Variants in KIF13A observed in about 807,000 individuals in gnomAD.
KIF13A encodes kinesin family member 13A, also known as kinesin-like protein KIF13A.
A neutral mutation model predicts 212.2 loss-of-function variants in KIF13A; 79 were observed. The ratio of observed to expected loss-of-function variants is 0.37; its 90% CI spans 0.31 to 0.45. The LOEUF is 0.45. Among genes scored for constraint, KIF13A ranks in the 20% least tolerant of loss-of-function variants. The probability of loss-of-function intolerance (pLI) is 1.00; values close to 1 mark genes in which losing one functional copy is unlikely to be tolerated. For synonymous variants in KIF13A, 789 were observed against 808.6 expected (o/e 0.98, Z 0.41); for missense variants, 1,901 against 2,209.0 (o/e 0.86, Z 2.79).
At chr6:17,848,500 T>C (rs2150396271) in intron 9 of KIF13A, among the ~76,000 whole-genome samples, 1 of 152,254 alleles carries the variant, frequency 6.6e-6, no homozygotes, top group African/African-American at 2.4e-5. Context: ...AATATGGTAT[T>C]TGTGCCATTT....
At position 17,787,790 on chromosome 6, in the gene KIF13A, A is replaced by G; in HGVS notation, c.3347T>C (p.Val1116Ala). The change falls in exon 27 of 39, where the codon GTC (valine) becomes GCC (alanine). Residue 1116 changes from valine to alanine, a missense_variant. Val to Ala is a moderately conservative substitution (Grantham distance 64). This residue lies in a region of KIF13A where 168 missense variants were observed against 250.9 expected (regional missense o/e 0.67). Coordinates refer to ENST00000259711, the MANE Select transcript of KIF13A (RefSeq NM_022113.6). The surrounding 1 kb of genome is among the most constrained non-coding windows in gnomAD (Gnocchi z 4.6). Reference protein sequence around the residue: ...REYLDEQIKKVSNKTEKTEDD... With the variant: ...REYLDEQIKKASNKTEKTEDD... ...ATCTCACATACCTGTTTTATTGCTG[A>G]CTTTTTTTATCTGTTCATCCAGGTA... 6.2e-7 allele frequency: 1 copy of G among 1,608,238 alleles called. No homozygotes were observed. Among genetic ancestry groups the G allele is most frequent in the Non-Finnish European group, 8.5e-7 (1 of 1,174,676 alleles).
intron 3 of KIF13A, among the ~76,000 whole-genome samples, chr6:17,877,778 G>GA (rs918218839): frequency 6.1e-5 from 9 of 147,014 alleles, no homozygotes; most frequent in Non-Finnish European, 7.5e-5. Flanking sequence ...TAAATATTAA[G>GA]AAAAAAAAAA....
At chr6:17,909,491 C>T (rs1411845959) in intron 2 of KIF13A, among the ~76,000 whole-genome samples, 57 of 146,328 alleles carry the variant, frequency 3.9e-4, no homozygotes, top group African/African-American at 2.5e-4. Context: ...GCCAAGATCA[C>T]GCCACTGCAC....
chr6:17,823,309 G>A (rs1330994930), intron 16 of KIF13A, among the ~76,000 whole-genome samples: 1 of 151,756 alleles, frequency 6.6e-6, no homozygotes, highest in East Asian at 1.9e-4. Context: ...TGGGATTACA[G>A]GCATTAGCCA....
intron 2 of KIF13A, among the ~76,000 whole-genome samples, chr6:17,901,895 G>A (rs1773086320): frequency 6.6e-6 from 1 of 152,174 alleles, no homozygotes; most frequent in Non-Finnish European, 1.5e-5. Context: ...TACTAGGAAG[G>A]CTGAGGCATG....
intron 2 of KIF13A, among the ~76,000 whole-genome samples, chr6:17,910,647 A>G (rs900194464): frequency 6.6e-6 from 1 of 152,252 alleles, no homozygotes; most frequent in Non-Finnish European, 1.5e-5. Flanking sequence ...GTTGTCTGCA[A>G]TAAAGATGTG....
Position 17,956,516 on chromosome 6 carries a change from G to A in KIF13A, c.146+30538C>T, listed in dbSNP as rs1284831378. 2.0e-5 allele frequency among the ~76,000 whole-genome samples: 3 copies of A among 152,222 alleles called. No individual in the cohort carries two copies. The East Asian group carries it at 5.8e-4, about 29-fold the overall frequency. On this transcript the variant is annotated intron_variant, in intron 2 of 38. Transcript: ENST00000259711. Reference sequence around the variant, plus strand: ...AAGAGATTTACTATCTAGGTAGGGAGGCAAGTTATGCCTAAGCAGCAAAGG... The same window carrying A: ...AAGAGATTTACTATCTAGGTAGGGAAGCAAGTTATGCCTAAGCAGCAAAGG...
intron 3 of KIF13A, 146 bp from the exon 4 acceptor site, chr6:17,873,583 A>T (rs1451801451): frequency 1.6e-6 from 1 of 619,468 alleles, no homozygotes; most frequent in Non-Finnish European, 2.8e-6. Context: ...TGCTTTTGTT[A>T]ACCATAAAAT....
At chr6:17,927,431 T>C (rs1775581277) in intron 2 of KIF13A, among the ~76,000 whole-genome samples, 1 of 152,190 alleles carries the variant, frequency 6.6e-6, no homozygotes, top group African/African-American at 2.4e-5. Context: ...TGTATGATTC[T>C]ACTTACATGA....
chr6:17,770,360 G>GTTTTTTTTTT (rs1486324465), intron 38 of KIF13A: 2 of 59,198 alleles, frequency 3.4e-5, no homozygotes, highest in Admixed American at 3.1e-4. Flanking sequence ...GAATAAACAG[G>GTTTTTTTTTT]ATTTTTTTTT....
At position 17,787,923 on chromosome 6, in the gene KIF13A, G is replaced by T. The variant is rs548703811; in HGVS notation, c.3262-48C>A. On this transcript the variant is annotated intron_variant, in intron 26 of 38. Transcript: ENST00000259711. The surrounding 1 kb of genome is among the most constrained non-coding windows in gnomAD (Gnocchi z 4.6). ...TTTTCCTGTAGACTGCACAGACAACGATTTCTTTCTTTCTTTTTTTAAAAG... is the reference window on the plus strand; with the variant it reads ...TTTTCCTGTAGACTGCACAGACAACTATTTCTTTCTTTCTTTTTTTAAAAG... 4 of 995,776 alleles carry T rather than the reference G, an allele frequency of 4.0e-6. No homozygotes were observed. The highest frequency in any genetic ancestry group is 6.2e-6 in the Non-Finnish European group (4 of 640,436). The allele number at this position is 995,776 out of a possible 1,614,324, so 61.7% of individuals were successfully genotyped here.
rs983523146 is a variant in KIF13A, at chr6:17,797,293, T to C, written c.2791-473A>G. 5.3e-5 allele frequency among the ~76,000 whole-genome samples: 8 copies of C among 152,206 alleles called. No homozygotes were observed. The East Asian group carries it at 1.4e-3, about 26-fold the overall frequency. Reference sequence around the variant, plus strand: ...ATCCACCTGCCTCGGCCTCCCACAGTGCTGGGATTACAGGTGTGAGCCACC... The same window carrying C: ...ATCCACCTGCCTCGGCCTCCCACAGCGCTGGGATTACAGGTGTGAGCCACC... On this transcript the variant is annotated intron_variant, in intron 22 of 38. Transcript: ENST00000259711.
Position 17,942,673 on chromosome 6 carries a change from CA to C in KIF13A, c.146+44380del, listed in dbSNP as rs370597206. Among the ~76,000 whole-genome samples, 26 of 152,146 alleles carry C rather than the reference CA, an allele frequency of 1.7e-4. No homozygotes were observed. The South Asian group carries it at 2.7e-3, about 16-fold the overall frequency. ...TTATAAACAGGCTTGGCTAGCTGGA[CA>C]ATGAGTTTAAAGAGTAGATTAGGCC... On this transcript the variant is annotated intron_variant, in intron 2 of 38. Coordinates refer to ENST00000259711, the MANE Select transcript of KIF13A (RefSeq NM_022113.6).
At chr6:17,846,041 CTTTTT>C (rs34232861) in intron 9 of KIF13A, among the ~76,000 whole-genome samples, 1 of 83,254 alleles carries the variant, frequency 1.2e-5, no homozygotes, top group Non-Finnish European at 2.0e-5. Flanking sequence ...GGAACTCAAC[CTTTTT>C]TTTTTTTTTT....
chr6:17,926,380 G>A lies in KIF13A; in HGVS notation c.147-28200C>T, dbSNP rs1025096243. On this transcript the variant is annotated intron_variant, in intron 2 of 38. Coordinates refer to ENST00000259711, the MANE Select transcript of KIF13A (RefSeq NM_022113.6). The surrounding 1 kb of genome is among the most constrained non-coding windows in gnomAD (Gnocchi z 4.3). ...CCCGAGTAGCTGGGATAACAGGCAC[G>A]CACCACCACACCCGGCTAATTTTTG... 2.6e-5 allele frequency among the ~76,000 whole-genome samples: 4 copies of A among 152,054 alleles called. No homozygotes were observed. Among genetic ancestry groups the A allele is most frequent in the African/African-American group, 4.8e-5 (2 of 41,398 alleles).
chr6:17,822,533 A>G (rs557532717), intron 16 of KIF13A, among the ~76,000 whole-genome samples: 3 of 152,354 alleles, frequency 2.0e-5, no homozygotes, highest in South Asian at 2.1e-4. Flanking sequence ...TAATTTATAT[A>G]TAAGAAGGTA....
intron 2 of KIF13A, among the ~76,000 whole-genome samples, chr6:17,904,459 C>A (rs7762371): frequency 0.53 from 80,853 of 151,998 alleles, 22,611 homozygotes; most frequent in Non-Finnish European, 0.63. Context: ...CAGAGTGAGA[C>A]TGTGACTTAA....
At chr6:17,972,602 G>A (rs1779901394) in intron 2 of KIF13A, among the ~76,000 whole-genome samples, 1 of 152,084 alleles carries the variant, frequency 6.6e-6, no homozygotes, top group South Asian at 2.1e-4. Flanking sequence ...TCCAAAATCC[G>A]GGACAGATCT....
downstream of KIF13A, chr6:17,760,249 T>C (rs1315580458): frequency 1.3e-5 from 2 of 152,226 alleles, no homozygotes; most frequent in African/African-American, 4.8e-5. Flanking sequence ...TAACCTTTTC[T>C]GCAAAGAGGG....
Sources: gnomAD v4.1 joint callset for allele counts (sites outside exome capture counted in the v4.1 genomes callset) on GRCh38, gnomAD v4.1.1 for gene constraint, gnomAD v4.1.1 regional missense constraint, Gnocchi (gnomAD v3.1) non-coding constraint, MANE v1.5 for transcripts, NCBI Gene and HGNC (gene_info 2026-07-23, HGNC 2026-07-21) for gene names.